The following SGSM3 variants were observed in gnomAD, a reference collection of about 807,000 sequenced individuals.
The protein encoded by SGSM3 is RUN and SH3 containing 3.
A neutral mutation model predicts 100.5 loss-of-function variants in SGSM3; 96 were observed. That is an observed-to-expected ratio of 0.96 (90% confidence interval 0.81 to 1.13). The LOEUF is 1.13. Among genes scored for constraint, SGSM3 ranks in the 50% most tolerant of loss-of-function variants. SGSM3 has a pLI of 0.00. For missense variants in SGSM3, 1,001 were observed against 1,015.8 expected (o/e 0.99, Z 0.20); for synonymous variants, 483 against 422.8 (o/e 1.14, Z -1.75).
intron 10 of SGSM3, 73 bp downstream of exon 10, chr22:40,406,735 G>C: frequency 7.8e-7 from 1 of 1,283,538 alleles, no homozygotes; most frequent in Non-Finnish European, 1.1e-6. Context: ...AGTTCAGAGC[G>C]CGGGGGCTGC....
At chr22:40,394,463 T>C (rs536962816) in intron 1 of SGSM3, among the ~76,000 whole-genome samples, 4 of 151,872 alleles carry the variant, frequency 2.6e-5, no homozygotes, top group African/African-American at 9.7e-5. Context: ...CTGGCCAACA[T>C]AGTGAAACCC....
chr22:40,406,920 T>C, intron 10 of SGSM3, 97 bp from the exon 11 acceptor site: 1 of 1,229,572 alleles, frequency 8.1e-7, no homozygotes, highest in South Asian at 1.3e-5. Flanking sequence ...GGAGCCAGCG[T>C]CAGAGGCTAT....
At chr22:40,371,530 T>C (rs1029921714) in intron 1 of SGSM3, among the ~76,000 whole-genome samples, 1 of 152,226 alleles carries the variant, frequency 6.6e-6, no homozygotes, top group African/African-American at 2.4e-5. Flanking sequence ...ACTCGTTTAC[T>C]CGTAGTTTTT....
At chr22:40,392,123 A>G (rs546775456) in intron 1 of SGSM3, among the ~76,000 whole-genome samples, 9 of 152,298 alleles carry the variant, frequency 5.9e-5, no homozygotes, top group African/African-American at 2.2e-4. Flanking sequence ...ACTGCAACCC[A>G]TGTGAAGAGG....
At chr22:40,402,674 G>A (rs1222280945) in intron 4 of SGSM3, among the ~76,000 whole-genome samples, 1 of 152,228 alleles carries the variant, frequency 6.6e-6, no homozygotes, top group Non-Finnish European at 1.5e-5. Flanking sequence ...AGGAGGTGGA[G>A]GTTGCAGTGA....
At chr22:40,381,245 T>C (rs897018778) in intron 1 of SGSM3, among the ~76,000 whole-genome samples, 2 of 151,978 alleles carry the variant, frequency 1.3e-5, no homozygotes, top group Non-Finnish European at 2.9e-5. Context: ...CCTCCAGGGC[T>C]CAGGCAGTCC....
At chr22:40,372,112 TCC>T (rs766386245) in intron 1 of SGSM3, among the ~76,000 whole-genome samples, 2 of 95,154 alleles carry the variant, frequency 2.1e-5, no homozygotes, top group African/African-American at 9.1e-5. Flanking sequence ...CTTCTCCCTG[TCC>T]CCCCCCCCTT....
intron 1 of SGSM3, chr22:40,373,086 C>T (rs2045901786): frequency 6.6e-6 from 1 of 152,134 alleles, no homozygotes; most frequent in South Asian, 2.1e-4. Context: ...GTTAGAACAC[C>T]ACTCCTACCT....
intron 1 of SGSM3, among the ~76,000 whole-genome samples, chr22:40,377,375 G>A (rs1328306193): frequency 6.6e-6 from 1 of 152,198 alleles, no homozygotes; most frequent in Admixed American, 6.5e-5. Flanking sequence ...TAGAGCTGCT[G>A]TTGTTTTCAA....
chr22:40,408,706 G>A lies in SGSM3; in HGVS notation c.1853+9G>A. ...CTCTGTAAGACCTTCAGGTAACTCG[G>A]CCCGGGTTCTTCTGGTGGGGTCACC... is the stretch of plus-strand genomic sequence containing the variant. On this transcript the variant is annotated intron_variant, in intron 17 of 21. Transcript: ENST00000248929. 3 of 1,613,980 alleles carry A rather than the reference G, an allele frequency of 1.9e-6. No individual in the cohort carries two copies. Among genetic ancestry groups the A allele is most frequent in the Non-Finnish European group, 2.5e-6 (3 of 1,180,020 alleles).
At chr22:40,402,484 A>C (rs2050882828) in intron 4 of SGSM3, among the ~76,000 whole-genome samples, 1 of 152,248 alleles carries the variant, frequency 6.6e-6, no homozygotes, top group Non-Finnish European at 1.5e-5. Context: ...TCACGCCTGT[A>C]ATCCCAGCAC....
intron 1 of SGSM3, among the ~76,000 whole-genome samples, chr22:40,371,463 C>T (rs937356983): frequency 6.6e-6 from 1 of 152,096 alleles, no homozygotes; most frequent in Non-Finnish European, 1.5e-5. Flanking sequence ...CTTATTCTTT[C>T]TTAGTAAATT....
At chr22:40,393,887 A>G (rs952415859) in intron 1 of SGSM3, among the ~76,000 whole-genome samples, 2 of 152,214 alleles carry the variant, frequency 1.3e-5, no homozygotes, top group African/African-American at 2.4e-5. Flanking sequence ...TCTTAATACT[A>G]TCACATTGGC....
chr22:40,410,091 G>GTGTCTGTC lies in SGSM3; in HGVS notation c.*334_*341dup, dbSNP rs35717714. 11 of 1,194,774 alleles carry GTGTCTGTC rather than the reference G, an allele frequency of 9.2e-6. No homozygotes were observed. Among genetic ancestry groups the GTGTCTGTC allele is most frequent in the Admixed American group, 9.2e-5 (2 of 21,704 alleles). 74.0% of individuals were successfully genotyped at this position (1,194,774 alleles called of 1,614,324 possible). A position where few individuals can be genotyped will look rare whatever the true frequency, so the allele number is the denominator to read the frequency against. Reference sequence around the variant, plus strand: ...GGCCTCTTTGGTTTATAAATAAACTGTGTCTGTCTTTGAGAAAGCACCTAC... The same window carrying GTGTCTGTC: ...GGCCTCTTTGGTTTATAAATAAACTGTGTCTGTCTGTCTGTCTTTGAGAAAGCACCTAC... On this transcript the variant is annotated 3_prime_UTR_variant, in exon 22 of 22. Transcript: ENST00000248929.
At chr22:40,386,277 A>C (rs1282016507) in intron 1 of SGSM3, among the ~76,000 whole-genome samples, 1 of 152,156 alleles carries the variant, frequency 6.6e-6, no homozygotes, top group African/African-American at 2.4e-5. Context: ...ATGGGAGTGA[A>C]GTGTATGGAC....
intron 1 of SGSM3, among the ~76,000 whole-genome samples, chr22:40,376,721 A>T (rs751945610): frequency 7.0e-6 from 1 of 143,714 alleles, no homozygotes; most frequent in Non-Finnish European, 1.5e-5. Context: ...TGGTGGAGTC[A>T]GGATTAGAAC....
intron 1 of SGSM3, among the ~76,000 whole-genome samples, chr22:40,377,450 G>C (rs1329831272): frequency 1.3e-5 from 2 of 152,102 alleles, no homozygotes; most frequent in Non-Finnish European, 2.9e-5. Context: ...ATACATTCCT[G>C]TCTTTCATAA....
chr22:40,396,793 A>G (rs1484178979), intron 1 of SGSM3, among the ~76,000 whole-genome samples: 1 of 152,112 alleles, frequency 6.6e-6, no homozygotes. Context: ...TGAAGAGACC[A>G]CAGGAAATGG....
intron 1 of SGSM3, among the ~76,000 whole-genome samples, chr22:40,381,824 G>GT (rs1491232471): frequency 1.3e-5 from 2 of 152,144 alleles, no homozygotes; most frequent in Non-Finnish European, 2.9e-5. Context: ...GCCAGGCATG[G>GT]TGGTATATGC....
Sources: allele counts gnomAD v4.1 joint callset (sites outside exome capture counted in the v4.1 genomes callset), GRCh38; gene constraint gnomAD v4.1.1; transcripts MANE v1.5; gene names NCBI Gene and HGNC (gene_info 2026-07-23, HGNC 2026-07-21).